The following LARP1 variants were observed in gnomAD, a reference collection of about 807,000 sequenced individuals.
LARP1 encodes the protein La ribonucleoprotein 1, translational regulator.
A neutral mutation model predicts 122.7 loss-of-function variants in LARP1; 36 were observed. The ratio of observed to expected loss-of-function variants is 0.29; its 90% CI spans 0.22 to 0.39. The LOEUF (loss-of-function observed/expected upper bound fraction) is 0.39. LARP1 is among the 10% of genes least tolerant of loss of function. The pLI is 1.00. For synonymous variants in LARP1, 539 were observed against 528.7 expected (o/e 1.02, Z -0.27); for missense variants, 1,040 against 1,403.6 (o/e 0.74, Z 4.14).
chr5:154,703,208 A>T (rs1754802924), intron 1 of LARP1, among the ~76,000 whole-genome samples: 1 of 151,816 alleles, frequency 6.6e-6, no homozygotes, highest in Non-Finnish European at 1.5e-5. Flanking sequence ...TCTTTTGTAA[A>T]CGGATAGTTT....
chr5:154,721,053 AAG>A (rs1026283129), intron 1 of LARP1, among the ~76,000 whole-genome samples: 3 of 151,924 alleles, frequency 2.0e-5, no homozygotes, highest in East Asian at 3.9e-4. Context: ...AGAAAAAAAA[AAG>A]AGGGGTGCTG....
At chr5:154,807,598 A>C (rs1200764948) in intron 15 of LARP1, among the ~76,000 whole-genome samples, 5 of 152,176 alleles carry the variant, frequency 3.3e-5, no homozygotes, top group Admixed American at 6.5e-5. Flanking sequence ...TCACCCAGGC[A>C]GGAATGCAGT....
intron 1 of LARP1, among the ~76,000 whole-genome samples, chr5:154,723,608 G>A (rs537495578): frequency 2.6e-5 from 4 of 152,108 alleles, no homozygotes; most frequent in African/African-American, 7.2e-5. Context: ...AAAATAATGA[G>A]AAAAAATAAA....
chr5:154,792,068 G>C, intron 3 of LARP1: 1 of 436,316 alleles, frequency 2.3e-6, no homozygotes, highest in Non-Finnish European at 4.7e-6. Context: ...TGGGTTTTCT[G>C]AGTGAAGTAG....
At chr5:154,723,636 A>T (rs1278663678) in intron 1 of LARP1, among the ~76,000 whole-genome samples, 1 of 152,230 alleles carries the variant, frequency 6.6e-6, no homozygotes, top group Middle Eastern at 3.2e-3. Context: ...ATTTTGTCTC[A>T]TTTAATCTTT....
intron 1 of LARP1, among the ~76,000 whole-genome samples, chr5:154,767,672 C>G (rs536940957): frequency 2.0e-5 from 3 of 152,324 alleles, no homozygotes; most frequent in Admixed American, 2.0e-4. Flanking sequence ...TCTTTCATGG[C>G]TTTCTGCAGC....
exon 1 of LARP1, chr5:154,712,850 C>A: frequency 7.4e-7 from 1 of 1,346,126 alleles, no homozygotes; most frequent in Non-Finnish European, 1.1e-6. Flanking sequence ...CGGGCCAGAG[C>A]CAGGAGGCAG....
At chr5:154,789,929 C>G (rs1170620914) in intron 1 of LARP1, among the ~76,000 whole-genome samples, 1 of 152,166 alleles carries the variant, frequency 6.6e-6, no homozygotes, top group Non-Finnish European at 1.5e-5. Flanking sequence ...ATGTTAGGGC[C>G]AGAAATGATC....
intron 1 of LARP1, among the ~76,000 whole-genome samples, chr5:154,707,745 C>T (rs968310081): frequency 9.2e-5 from 14 of 152,082 alleles, no homozygotes; most frequent in African/African-American, 3.1e-4. Context: ...TAGACGGTCC[C>T]ATTTGGGGGT....
intron 1 of LARP1, among the ~76,000 whole-genome samples, chr5:154,757,522 G>A (rs1361623594): frequency 6.6e-6 from 1 of 151,920 alleles, no homozygotes; most frequent in Non-Finnish European, 1.5e-5. Context: ...TGGAATGATG[G>A]CCTCTGGTCG....
chr5:154,771,187 C>G (rs1255140374), intron 1 of LARP1, among the ~76,000 whole-genome samples: 4 of 151,858 alleles, frequency 2.6e-5, no homozygotes, highest in Non-Finnish European at 5.9e-5. Flanking sequence ...TAGCCTTTAT[C>G]ATGTCCTTGG....
chr5:154,709,598 ATTTT>A (rs60062105), upstream of LARP1, among the ~76,000 whole-genome samples: 10 of 81,356 alleles, frequency 1.2e-4, no homozygotes, highest in Middle Eastern at 6.8e-3. Context: ...CTCCAGTGAG[ATTTT>A]TTTTTTTTTT....
rs142663959 is a variant in LARP1, at chr5:154,773,415, A to G, written c.437-16910A>G. On this transcript the variant is annotated intron_variant, in intron 1 of 18. Transcript: ENST00000518297. Reference sequence around the variant, plus strand: ...TAAGGAACTGTGGCTGTGAAGGCACATACCCAGCTGCTACCTGTGAGCCCT... The same window carrying G: ...TAAGGAACTGTGGCTGTGAAGGCACGTACCCAGCTGCTACCTGTGAGCCCT... Among the ~76,000 whole-genome samples, 736 of 152,214 alleles carry G rather than the reference A, an allele frequency of 4.8e-3. 4 individuals are homozygous for G. The highest frequency in any genetic ancestry group is 0.017 in the African/African-American group (700 of 41,530).
intron 1 of LARP1, among the ~76,000 whole-genome samples, chr5:154,771,407 G>T (rs192900985): frequency 6.6e-6 from 1 of 152,206 alleles, no homozygotes; most frequent in East Asian, 1.9e-4. Flanking sequence ...CTCATTTTAC[G>T]GATGACAAAA....
At chr5:154,756,996 G>A (rs1490920089) in intron 1 of LARP1, among the ~76,000 whole-genome samples, 1 of 149,166 alleles carries the variant, frequency 6.7e-6, no homozygotes, top group African/African-American at 2.4e-5. Flanking sequence ...GCGGGTGACA[G>A]TTGGGCGCCA....
In LARP1 at chr5:154,691,186, C is replaced by CG. The variant is rs1372975291; in HGVS notation, c.-180+8152dup. ...CTGAGGCAGGAGAATGGCGTGAACCCGGGAGGCGGAGCTTGCAGTGAGCCG... is the reference window on the plus strand; with the variant it reads ...CTGAGGCAGGAGAATGGCGTGAACCCGGGGAGGCGGAGCTTGCAGTGAGCCG... On this transcript the variant is annotated intron_variant, in intron 1 of 18. Transcript: ENST00000687700. Among the ~76,000 whole-genome samples the CG allele has an allele frequency of 4.8e-5, 7 of 146,818 alleles. No homozygotes were observed. In the Admixed American group the frequency reaches 4.9e-4, roughly 10 times the overall value.
chr5:154,703,483 G>A (rs1257374445), intron 1 of LARP1, among the ~76,000 whole-genome samples: 1 of 151,898 alleles, frequency 6.6e-6, no homozygotes, highest in East Asian at 1.9e-4. Flanking sequence ...CTGGGCATGG[G>A]GGCCTCTCTA....
chr5:154,732,366 C>A (rs536262572), intron 1 of LARP1, among the ~76,000 whole-genome samples: 47 of 152,138 alleles, frequency 3.1e-4, no homozygotes, highest in Non-Finnish European at 5.7e-4. Flanking sequence ...TTCTGAACTT[C>A]AGTCTTCTAT....
At chr5:154,809,127 G>C (rs1447475635) in intron 16 of LARP1, among the ~76,000 whole-genome samples, 1 of 151,816 alleles carries the variant, frequency 6.6e-6, no homozygotes, top group Non-Finnish European at 1.5e-5. Flanking sequence ...TCTCCTATTA[G>C]TGGATACTTA....
Sources: allele counts gnomAD v4.1 joint callset (sites outside exome capture counted in the v4.1 genomes callset), GRCh38; gene constraint gnomAD v4.1.1; transcripts MANE v1.5; gene names NCBI Gene and HGNC (gene_info 2026-07-23, HGNC 2026-07-21).